The following FUT8 variants were observed in gnomAD, a reference collection of about 807,000 sequenced individuals.
FUT8 encodes alpha-(1,6)-fucosyltransferase.
FUT8 carries 29 observed loss-of-function variants against 71.3 expected under a neutral mutation model. That is an observed-to-expected ratio of 0.41 (90% CI 0.30 to 0.55). The LOEUF (loss-of-function observed/expected upper bound fraction) is 0.55, where lower values mean the gene tolerates loss of function less well. Among genes scored for constraint, FUT8 ranks in the 20% least tolerant of loss-of-function variants. The pLI, the probability that FUT8 is intolerant of heterozygous loss-of-function variation, is 0.34. For missense variants in FUT8, 544 were observed against 702.1 expected (o/e 0.77, Z 2.55); for synonymous variants, 254 against 239.3 (o/e 1.06, Z -0.57).
In FUT8 at chr14:65,676,821, G is replaced by C. The variant is rs80136866; in HGVS notation, c.835+7341G>C. On this transcript the variant is annotated intron_variant, in intron 7 of 10. Coordinates refer to ENST00000673929, the MANE Select transcript of FUT8 (RefSeq NM_001371533.1). ...CTTAAAACATGTGGATCACGTTAGAGTGATTCTACAAACAAGATAATTGTT... is the reference window on the plus strand; with the variant it reads ...CTTAAAACATGTGGATCACGTTAGACTGATTCTACAAACAAGATAATTGTT... Among the ~76,000 whole-genome samples, 609 of 152,240 alleles carry C rather than the reference G, an allele frequency of 4.0e-3. 4 individuals carry two copies. Among genetic ancestry groups the C allele is most frequent in the East Asian group, 0.035 (183 of 5,184 alleles).
intron 2 of FUT8, among the ~76,000 whole-genome samples, chr14:65,525,975 C>A (rs978976480): frequency 6.6e-6 from 1 of 152,184 alleles, no homozygotes; most frequent in African/African-American, 2.4e-5. Flanking sequence ...GTGTGCTTTA[C>A]TTCCAATTAT....
chr14:65,699,723 A>C (rs1446077903), intron 7 of FUT8, among the ~76,000 whole-genome samples: 1 of 152,156 alleles, frequency 6.6e-6, no homozygotes, highest in African/African-American at 2.4e-5. Context: ...TTCTTTCAGT[A>C]ATCTTTCTTT....
the FUT8 span, among the ~76,000 whole-genome samples, chr14:65,398,104 C>A: frequency 1.2e-3 from 187 of 152,294 alleles, no homozygotes; most frequent in Admixed American, 3.2e-3. Flanking sequence ...TTTAGTTTTT[C>A]TAGAACTGTA....
chr14:65,522,117 A>G (rs922779290), intron 2 of FUT8, among the ~76,000 whole-genome samples: 2 of 152,172 alleles, frequency 1.3e-5, no homozygotes, highest in Non-Finnish European at 2.9e-5. Flanking sequence ...ATGGGAAGAT[A>G]CTTGCTATGG....
intron 2 of FUT8, among the ~76,000 whole-genome samples, chr14:65,535,749 A>G (rs947252833): frequency 1.3e-5 from 2 of 152,026 alleles, no homozygotes; most frequent in Admixed American, 6.6e-5. Context: ...AGAAGAATGT[A>G]TATTCTTTTG....
intron 1 of FUT8, among the ~76,000 whole-genome samples, chr14:65,426,122 C>G (rs1288751774): frequency 6.6e-6 from 1 of 152,106 alleles, no homozygotes; most frequent in Admixed American, 6.5e-5. Flanking sequence ...TCCTCCTCAC[C>G]CCAGCCCTTG....
At chr14:65,631,396 T>G (rs1890174338) in intron 6 of FUT8, among the ~76,000 whole-genome samples, 1 of 152,086 alleles carries the variant, frequency 6.6e-6, no homozygotes, top group East Asian at 1.9e-4. Flanking sequence ...TCTTGGTTTG[T>G]GGGTGGCCAA....
At chr14:65,697,899 C>T (rs7154526) in intron 7 of FUT8, among the ~76,000 whole-genome samples, 9,084 of 151,816 alleles carry the variant, frequency 0.06, 322 homozygotes, top group Admixed American at 0.11. Flanking sequence ...CACTTGAACC[C>T]AGGAGGTGGA....
chr14:65,627,534 TTTC>T lies in FUT8; in HGVS notation c.483-1952_483-1950del, dbSNP rs1210145333. Among the ~76,000 whole-genome samples, 1 of 152,220 alleles carries T rather than the reference TTTC, an allele frequency of 6.6e-6. No homozygotes were observed. The highest frequency in any genetic ancestry group is 2.4e-5 in the African/African-American group (1 of 41,458). On this transcript the variant is annotated intron_variant, in intron 5 of 10. Coordinates refer to ENST00000673929, the MANE Select transcript of FUT8 (RefSeq NM_001371533.1). This position sits in a 1 kb window ranked among gnomAD's most constrained non-coding sequence, Gnocchi z 4.0. ...TATTGCTATGGTTCCGGGGTTTGCATTTCTTCTTACCTGATTTTTCCTTGGGGC... is the reference window on the plus strand; with the variant it reads ...TATTGCTATGGTTCCGGGGTTTGCATTTCTTACCTGATTTTTCCTTGGGGC...
intron 6 of FUT8, among the ~76,000 whole-genome samples, chr14:65,666,760 A>G (rs542281121): frequency 2.0e-5 from 3 of 152,298 alleles, no homozygotes; most frequent in Middle Eastern, 3.4e-3. Context: ...ATGAACATAG[A>G]TGCAAAAATC....
rs896542379 is a variant in FUT8, at chr14:65,494,812, G to A, written c.-228+39094G>A. ...AAAAGTAAGGTTCTGAAGGGTTCCA[G>A]AATTCAGGAGACGGAAGAGAAAGGA... On this transcript the variant is annotated intron_variant, in intron 2 of 10. Transcript: ENST00000673929. Among the ~76,000 whole-genome samples, 3 of 152,134 alleles carry A rather than the reference G, an allele frequency of 2.0e-5. No homozygotes were observed. The South Asian group carries it at 6.2e-4, about 32-fold the overall frequency.
At chr14:65,397,145 C>T in the FUT8 span, among the ~76,000 whole-genome samples, 1 of 152,172 alleles carries the variant, frequency 6.6e-6, no homozygotes, top group East Asian at 1.9e-4. The surrounding 1 kb of genome is among the most constrained non-coding windows in gnomAD (Gnocchi z 4.2). Context: ...ATCACCAAGG[C>T]AGAGGAAGAA....
chr14:65,552,104 G>A (rs1183287403), intron 2 of FUT8, among the ~76,000 whole-genome samples: 1 of 152,074 alleles, frequency 6.6e-6, no homozygotes, highest in Non-Finnish European at 1.5e-5. Context: ...GTGGTATGCA[G>A]GTGGCAGTGT....
At chr14:65,604,143 C>T (rs552352157) in intron 3 of FUT8, among the ~76,000 whole-genome samples, 1 of 151,814 alleles carries the variant, frequency 6.6e-6, no homozygotes, top group African/African-American at 2.4e-5. Context: ...AGATAGACAG[C>T]AACAAAATAA....
chr14:65,534,005 A>G (rs534415598), intron 2 of FUT8, among the ~76,000 whole-genome samples: 3 of 152,290 alleles, frequency 2.0e-5, no homozygotes, highest in Non-Finnish European at 2.9e-5. Context: ...TAGCTTTTCA[A>G]TATGCTTCCG....
intron 3 of FUT8, among the ~76,000 whole-genome samples, chr14:65,571,591 A>G (rs946091997): frequency 1.3e-5 from 2 of 152,144 alleles, no homozygotes; most frequent in Admixed American, 1.3e-4. Flanking sequence ...GTAGAGAAGC[A>G]TAGCATCATA....
intron 1 of FUT8, among the ~76,000 whole-genome samples, chr14:65,454,529 G>A (rs2065871372): frequency 6.6e-6 from 1 of 152,096 alleles, no homozygotes; most frequent in African/African-American, 2.4e-5. Context: ...TTACCTTTGT[G>A]GTGGGAGGAG....
chr14:65,702,086 C>T (rs1237481897), intron 7 of FUT8, among the ~76,000 whole-genome samples: 1 of 152,220 alleles, frequency 6.6e-6, no homozygotes, highest in African/African-American at 2.4e-5. Context: ...TGGCTCACGC[C>T]TGTAATCCCA....
upstream of FUT8, chr14:65,411,929 C>G (rs1050013668): frequency 4.7e-6 from 2 of 429,246 alleles, no homozygotes; most frequent in Non-Finnish European, 9.3e-6. Context: ...CTGGGCTGCT[C>G]TGGGGCAGCC....
Sources: allele counts gnomAD v4.1 joint callset (sites outside exome capture counted in the v4.1 genomes callset), GRCh38; gene constraint gnomAD v4.1.1; non-coding constraint Gnocchi (gnomAD v3.1); transcripts MANE v1.5; gene names NCBI Gene and HGNC (gene_info 2026-07-23, HGNC 2026-07-21).